The following PLXND1 variants were observed in gnomAD, a reference collection of about 807,000 sequenced individuals.
The protein encoded by PLXND1 is plexin D1.
PLXND1 carries 54 observed loss-of-function variants against 197.7 expected under a neutral mutation model. That is an observed-to-expected ratio of 0.27 (90% CI 0.22 to 0.34). PLXND1 has a LOEUF of 0.34. Among genes scored for constraint, PLXND1 ranks in the 10% least tolerant of loss-of-function variants. The probability of loss-of-function intolerance (pLI) is 1.00; values close to 1 mark genes in which losing one functional copy is unlikely to be tolerated. For missense variants in PLXND1, 2,127 were observed against 2,699.2 expected, an observed-to-expected ratio of 0.79 and a Z score of 4.70; for synonymous variants, 1,180 against 1,161.2, an observed-to-expected ratio of 1.02 and a Z score of -0.33.
At chr3:129,601,685 A>G (rs1108585) in intron 1 of PLXND1, among the ~76,000 whole-genome samples, 134,515 of 152,176 alleles carry the variant, frequency 0.88, 59,642 homozygotes, top group Non-Finnish European at 0.91. Flanking sequence ...GTACCCCATC[A>G]CATGCCCCAC....
At chr3:129,574,604 C>T (rs1168285608) in intron 11 of PLXND1, 114 bp from the exon 12 acceptor site, 4 of 1,089,836 alleles carry the variant, frequency 3.7e-6, no homozygotes, top group Non-Finnish European at 5.2e-6. Flanking sequence ...CATTGTGGTG[C>T]CCCACCCAGA....
chr3:129,560,333 G>A lies in PLXND1; in HGVS notation c.5130C>T (p.Thr1710=), dbSNP rs2108763457. 1 of 1,600,806 alleles carries A rather than the reference G, an allele frequency of 6.2e-7. No individual in the cohort carries two copies. Among genetic ancestry groups the A allele is most frequent in the South Asian group, 1.1e-5 (1 of 90,830 alleles). Residue 1710 remains threonine, a synonymous_variant, in exon 31 of 36, where the codon ACC becomes ACT. Coordinates refer to ENST00000324093, the MANE Select transcript of PLXND1 (RefSeq NM_015103.3). ...PEIYLTRLLS[T]KGTLQKFLDD... ...GGGAGACTGAGGCCGGACTCACCTT[G>A]GTGGAGAGCAGGCGGGTCAGGTAGA... is the stretch of plus-strand genomic sequence containing the variant.
At chr3:129,598,568 C>G (rs561284459) in intron 1 of PLXND1, among the ~76,000 whole-genome samples, 2 of 152,284 alleles carry the variant, frequency 1.3e-5, no homozygotes, top group African/African-American at 4.8e-5. Context: ...ATCCTAACCC[C>G]AGCCCGCGAC....
At chr3:129,562,765 C>G in intron 27 of PLXND1, 22 bp downstream of exon 27, 1 of 1,582,122 alleles carries the variant, frequency 6.3e-7, no homozygotes, top group Non-Finnish European at 8.6e-7. Context: ...GACACGGGGT[C>G]TCTGCCCCCA....
intron 5 of PLXND1, among the ~76,000 whole-genome samples, chr3:129,585,694 A>C (rs1578343300): frequency 6.6e-6 from 1 of 152,130 alleles, no homozygotes; most frequent in East Asian, 1.9e-4. Context: ...CAGTTTCCCC[A>C]TCTGTAAAAT....
At chr3:129,602,511 A>G (rs549797097) in intron 1 of PLXND1, among the ~76,000 whole-genome samples, 19 of 152,150 alleles carry the variant, frequency 1.2e-4, no homozygotes, top group Non-Finnish European at 2.5e-4. Flanking sequence ...GGGCCTGGTC[A>G]CACATCCGTC....
intron 5 of PLXND1, 40 bp from the exon 6 acceptor site, chr3:129,584,602 T>G (rs965120167): frequency 1.3e-6 from 2 of 1,558,802 alleles, no homozygotes; most frequent in African/African-American, 1.4e-5. Flanking sequence ...GTCCAGGCTA[T>G]GCTCCTCACA....
rs755309421 is a variant in PLXND1, at chr3:129,572,613, G to A, written c.3073C>T (p.Leu1025=). ...LVNDTDPCTE[L]MRTDTSIACT... is the part of the protein sequence containing the mutation. ...GGGCCAGGCCCAGAGGCTTACATCA[G>A]CTCCGTGCAGGGGTCTGTGTCGTTC... Residue 1025 remains leucine (L), a synonymous_variant, in exon 15 of 36, where the codon CTG becomes TTG. Transcript: ENST00000324093. 6.5e-7 allele frequency: 1 copy of A among 1,534,746 alleles called. No individual in the cohort carries two copies. The highest frequency in any genetic ancestry group is 8.8e-7 in the Non-Finnish European group (1 of 1,141,002).
chr3:129,606,044 G>C lies in PLXND1; in HGVS notation c.596C>G (p.Ala199Gly). The C allele has an allele frequency of 1.3e-6, 2 of 1,592,290 alleles. No homozygotes were observed. Among genetic ancestry groups the C allele is most frequent in the Non-Finnish European group, 1.7e-6 (2 of 1,173,268 alleles). ...ASTVGLVLPP[A>G]AGAGGSRLLV... The stretch of plus-strand genomic sequence containing the variant: ...CAGGCGGCTGCCCCCCGCGCCCGCG[G>C]CGGGAGGCAGAACTAGCCCCACGGT... The change falls in exon 1 of 36, where the codon GCC becomes GGC. Residue 199 changes from alanine (A) to glycine (G), a missense_variant. Physicochemically the swap from Ala to Gly is moderately conservative, Grantham distance 60 (BLOSUM62 0). This residue lies in a region of PLXND1 where 1,095 missense variants were observed against 1,259.8 expected (regional missense o/e 0.87). Coordinates refer to ENST00000324093, the MANE Select transcript of PLXND1 (RefSeq NM_015103.3).
In PLXND1 at chr3:129,557,175, G is replaced by A. The variant is rs751735983; in HGVS notation, c.5494C>T (p.Arg1832Trp). ...TTGTAGTAGCGCTGCACGATCTTCCGGTACTCAGGAATCTCCTTGGCGTAG... is the reference window on the plus strand; with the variant it reads ...TTGTAGTAGCGCTGCACGATCTTCCAGTACTCAGGAATCTCCTTGGCGTAG... ...LLYAKEIPEYRKIVQRYYKQI... is the reference protein window; with the variant it reads ...LLYAKEIPEYWKIVQRYYKQI... Residue 1832 changes from arginine (R) to tryptophan (W), a missense_variant, in exon 34 of 36, where the codon CGG becomes TGG. Arg to Trp is a moderately radical substitution (Grantham distance 101, BLOSUM62 -3). Transcript: ENST00000324093. The surrounding 1 kb of genome is among the most constrained non-coding windows in gnomAD (Gnocchi z 4.8). The A allele has an allele frequency of 6.2e-7, 1 of 1,614,074 alleles. No individual in the cohort carries two copies. Among genetic ancestry groups the A allele is most frequent in the African/African-American group, 1.3e-5 (1 of 75,034 alleles).
At position 129,605,784 on chromosome 3, in the gene PLXND1, G is replaced by GT; in HGVS notation, c.855_856insA (p.Pro286ThrfsTer146). On this transcript the variant is annotated frameshift_variant, in exon 1 of 36. Transcript: ENST00000324093. LOFTEE classifies it high-confidence loss of function. ...TGTGCACCCGGCGGCGGGTCGGACG[G>GT]GTGCAGGAAGGCGCTCACGAAGCCC... is the stretch of plus-strand genomic sequence containing the variant. The GT allele has an allele frequency of 1.9e-6, 3 of 1,587,404 alleles. No individual in the cohort carries two copies. Among genetic ancestry groups the GT allele is most frequent in the Non-Finnish European group, 2.6e-6 (3 of 1,168,142 alleles).
chr3:129,566,150 C>T, intron 23 of PLXND1, 133 bp from the exon 24 acceptor site: 1 of 863,284 alleles, frequency 1.2e-6, no homozygotes, highest in Non-Finnish European at 1.8e-6. Context: ...GTGGATGCCT[C>T]CTAACCTTTG....
intron 10 of PLXND1, 55 bp downstream of exon 10, chr3:129,575,711 C>A: frequency 7.4e-7 from 1 of 1,342,362 alleles, no homozygotes; most frequent in Non-Finnish European, 1.1e-6. Flanking sequence ...AGGGGTACAG[C>A]ATCTGGACTT....
intron 22 of PLXND1, 89 bp from the exon 23 acceptor site, chr3:129,566,720 TG>T: frequency 1.3e-6 from 1 of 754,540 alleles, no homozygotes. Flanking sequence ...GGCACTGGCT[TG>T]GGCTGCTGGG....
chr3:129,596,639 G>A (rs1007423855), intron 1 of PLXND1, among the ~76,000 whole-genome samples: 1 of 152,194 alleles, frequency 6.6e-6, no homozygotes, highest in African/African-American at 2.4e-5. Context: ...GGGACTCCAG[G>A]CCAGGAGCCG....
In PLXND1 at chr3:129,556,156, CCT is replaced by C. The variant is rs1560055370; in HGVS notation, c.*154_*155del. ...GCCCAGGGGTCAAGGCGGGGGCGCC[CCT>C]GTCTCAGAGAGCAGCCCCTCCTCCT... On this transcript the variant is annotated 3_prime_UTR_variant, in exon 36 of 36. Transcript: ENST00000324093. 4 of 650,398 alleles carry C rather than the reference CCT, an allele frequency of 6.2e-6. No individual in the cohort carries two copies. The highest frequency in any genetic ancestry group is 1.7e-5 in the South Asian group (1 of 57,240). The allele number at this position is 650,398 out of a possible 1,614,324, so 40.3% of individuals were successfully genotyped here. A position where few individuals can be genotyped will look rare whatever the true frequency, so the allele number is the denominator to read the frequency against.
Position 129,563,079 on chromosome 3 carries a change from G to A in PLXND1, c.4668+15C>T, listed in dbSNP as rs376089057. The A allele has an allele frequency of 9.4e-5, 152 of 1,613,154 alleles. No homozygotes were observed. Among genetic ancestry groups the A allele is most frequent in the Admixed American group, 3.7e-4 (22 of 59,968 alleles). ...ACACAGCAGCCCTGGGACCCTCCCC[G>A]CCCTGCCGACTTACCCGGGGCTTGG... On this transcript the variant is annotated intron_variant, in intron 26 of 35. Transcript: ENST00000324093.
intron 20 of PLXND1, among the ~76,000 whole-genome samples, chr3:129,568,961 C>T (rs1038353722): frequency 1.3e-5 from 2 of 152,226 alleles, no homozygotes. Context: ...ACTCCCCATT[C>T]GTGTTCTCCC....
In PLXND1 at chr3:129,555,567, T is replaced by A. The variant is rs1263786559; in HGVS notation, c.*745A>T. 4 of 659,154 alleles carry A rather than the reference T, an allele frequency of 6.1e-6. No homozygotes were observed. The South Asian group carries it at 6.6e-5, about 11-fold the overall frequency. 40.8% of individuals were successfully genotyped at this position (659,154 alleles called of 1,614,324 possible). ...AGCTTTAAAAAAAAAAGTGGTGCTATCTTTAGAAACACTTTCAGCAAGATC... is the reference window on the plus strand; with the variant it reads ...AGCTTTAAAAAAAAAAGTGGTGCTAACTTTAGAAACACTTTCAGCAAGATC... On this transcript the variant is annotated 3_prime_UTR_variant, in exon 36 of 36. Coordinates refer to ENST00000324093, the MANE Select transcript of PLXND1 (RefSeq NM_015103.3).
Sources: gnomAD v4.1 joint callset for allele counts (sites outside exome capture counted in the v4.1 genomes callset) on GRCh38, gnomAD v4.1.1 for gene constraint, gnomAD v4.1.1 regional missense constraint, Gnocchi (gnomAD v3.1) non-coding constraint, MANE v1.5 for transcripts, NCBI Gene and HGNC (gene_info 2026-07-23, HGNC 2026-07-21) for gene names.